CDH18: variants seen among roughly 807,000 people sequenced by gnomAD.
CDH18 encodes the protein cadherin-18.
In CDH18, 31 loss-of-function variants were observed where a neutral mutation model predicts 67.9. That is an observed-to-expected ratio of 0.46 (90% CI 0.34 to 0.62). CDH18 has a LOEUF of 0.62. Ranked by LOEUF, CDH18 falls within the 20% of genes least tolerant of loss-of-function variation. The pLI, the probability that CDH18 is intolerant of heterozygous loss-of-function variation, is 0.01. For missense variants in CDH18, 890 were observed against 975.5 expected (o/e 0.91, Z 1.17); for synonymous variants, 362 against 347.2 (o/e 1.04, Z -0.48).
chr5:20,173,313 C>G (rs1323837939), intron 2 of CDH18, among the ~76,000 whole-genome samples: 1 of 152,046 alleles, frequency 6.6e-6, no homozygotes, highest in Non-Finnish European at 1.5e-5. Context: ...AACTAAAAAG[C>G]AAATCTCGGA....
intron 2 of CDH18, among the ~76,000 whole-genome samples, chr5:20,021,495 TG>T: frequency 6.6e-6 from 1 of 152,266 alleles, no homozygotes; most frequent in African/African-American, 2.4e-5. Context: ...GATTGGATCA[TG>T]GGAATGGATT....
chr5:19,774,004 A>C (rs377295523), intron 3 of CDH18, among the ~76,000 whole-genome samples: 4 of 152,140 alleles, frequency 2.6e-5, no homozygotes, highest in Admixed American at 1.3e-4. Flanking sequence ...ATTCTGAGGG[A>C]CTCTACTATT....
chr5:20,044,075 T>A (rs1056165286), intron 2 of CDH18, among the ~76,000 whole-genome samples: 40 of 152,118 alleles, frequency 2.6e-4, no homozygotes, highest in Admixed American at 1.3e-4. Flanking sequence ...TATTCATTAA[T>A]TAGTATATTA....
chr5:19,875,434 AGATAGATC>A (rs770836416), intron 2 of CDH18, among the ~76,000 whole-genome samples: 2,822 of 146,500 alleles, frequency 0.019, 89 homozygotes, highest in African/African-American at 0.071. Flanking sequence ...ATAGATAGAT[AGATAGATC>A]GATCGATCTA....
At chr5:20,131,082 T>A (rs1410035862) in intron 2 of CDH18, among the ~76,000 whole-genome samples, 1 of 152,134 alleles carries the variant, frequency 6.6e-6, no homozygotes, top group Non-Finnish European at 1.5e-5. Context: ...TTACCTTATA[T>A]AAATTATTTG....
At chr5:19,808,832 C>CAAAAAAAA (rs1173922790) in intron 3 of CDH18, among the ~76,000 whole-genome samples, 1 of 53,936 alleles carries the variant, frequency 1.9e-5, no homozygotes, top group Non-Finnish European at 3.2e-5. Context: ...AACTCTGTCT[C>CAAAAAAAA]AAAAAAAAAA....
At chr5:19,549,637 T>A (rs1261837387) in intron 8 of CDH18, among the ~76,000 whole-genome samples, 6 of 98,190 alleles carry the variant, frequency 6.1e-5, no homozygotes, top group Admixed American at 1.4e-4. Flanking sequence ...GGAAGAAAAA[T>A]GGAGGGAGGG....
Position 19,642,734 on chromosome 5 carries a change from A to ATC in CDH18, c.644-30134_644-30133insGA, listed in dbSNP as rs1754191235. Among the ~76,000 whole-genome samples the ATC allele has an allele frequency of 2.6e-5, 4 of 152,170 alleles. No homozygotes were observed. The East Asian group carries it at 5.8e-4, about 22-fold the overall frequency. On this transcript the variant is annotated intron_variant, in intron 5 of 12. Transcript: ENST00000382275. ...TGTAACAGTACTAGAAAAAAAAGAT[A>ATC]GGGGGAAGGCTTCTTGCTATTTGTC...
intron 11 of CDH18, among the ~76,000 whole-genome samples, chr5:19,498,551 GTAC>G (rs1228363829): frequency 1.3e-5 from 2 of 152,056 alleles, no homozygotes; most frequent in Non-Finnish European, 2.9e-5. Context: ...TTTAGAAATC[GTAC>G]TACATCACTC....
chr5:19,933,469 T>C (rs578063201), intron 2 of CDH18, among the ~76,000 whole-genome samples: 1 of 151,664 alleles, frequency 6.6e-6, no homozygotes, highest in East Asian at 1.9e-4. Flanking sequence ...GTATTCAGTA[T>C]TGACCTAAAT....
intron 1 of CDH18, among the ~76,000 whole-genome samples, chr5:20,531,396 A>G (rs1258142182): frequency 6.6e-6 from 1 of 152,092 alleles, no homozygotes; most frequent in Non-Finnish European, 1.5e-5. Context: ...GGGTATATAC[A>G]CAAAGAAATA....
intron 1 of CDH18, among the ~76,000 whole-genome samples, chr5:20,279,415 G>T (rs1746049698): frequency 1.3e-5 from 2 of 151,820 alleles, no homozygotes; most frequent in Non-Finnish European, 2.9e-5. Flanking sequence ...AATACTATAA[G>T]AGGCTGGGCA....
chr5:20,131,234 A>G (rs922225874), intron 2 of CDH18, among the ~76,000 whole-genome samples: 1 of 152,082 alleles, frequency 6.6e-6, no homozygotes, highest in Non-Finnish European at 1.5e-5. Context: ...ACAAAAAAAC[A>G]GTAAATATTG....
At chr5:20,011,244 T>G (rs527810758) in intron 2 of CDH18, among the ~76,000 whole-genome samples, 1 of 152,204 alleles carries the variant, frequency 6.6e-6, no homozygotes, top group Non-Finnish European at 1.5e-5. Context: ...CATTTGTGAT[T>G]TGTCTCGTTT....
At chr5:20,265,397 C>CT (rs1328717387) in intron 1 of CDH18, among the ~76,000 whole-genome samples, 1 of 151,910 alleles carries the variant, frequency 6.6e-6, no homozygotes, top group African/African-American at 2.4e-5. Flanking sequence ...AGCAAAACTC[C>CT]TTTGGAATAA....
Position 19,619,999 on chromosome 5 carries a change from GA to G in CDH18, c.644-7399del, listed in dbSNP as rs1339476999. Among the ~76,000 whole-genome samples the G allele has an allele frequency of 2.1e-4, 32 of 151,852 alleles. 1 individual carries two copies. The highest frequency in any genetic ancestry group is 4.6e-4 in the Admixed American group (7 of 15,264). On this transcript the variant is annotated intron_variant, in intron 5 of 12. Coordinates refer to ENST00000382275, the MANE Select transcript of CDH18 (RefSeq NM_004934.5). Reference sequence around the variant, plus strand: ...CCTCAGATTTTATTTTACTTATAAAGAAAAATATATAAGAAATTATATGAGA... The same window carrying G: ...CCTCAGATTTTATTTTACTTATAAAGAAAATATATAAGAAATTATATGAGA...
chr5:19,809,610 AG>A (rs1187879155), intron 3 of CDH18, among the ~76,000 whole-genome samples: 1 of 152,220 alleles, frequency 6.6e-6, no homozygotes, highest in African/African-American at 2.4e-5. Flanking sequence ...TGGTAAAAAA[AG>A]TTTCATATGA....
At chr5:20,118,008 G>C (rs531280564) in intron 2 of CDH18, among the ~76,000 whole-genome samples, 111 of 152,284 alleles carry the variant, frequency 7.3e-4, no homozygotes, top group Admixed American at 2.4e-3. Flanking sequence ...TATGTTAATA[G>C]CATTGCTGCT....
intron 2 of CDH18, among the ~76,000 whole-genome samples, chr5:19,856,102 A>ATCTT (rs1784250187): frequency 6.6e-6 from 1 of 152,222 alleles, no homozygotes; most frequent in Non-Finnish European, 1.5e-5. Flanking sequence ...CAAAAGAAAG[A>ATCTT]GCAATAAAAA....
Sources: allele counts gnomAD v4.1 joint callset (sites outside exome capture counted in the v4.1 genomes callset), GRCh38; gene constraint gnomAD v4.1.1; transcripts MANE v1.5; gene names NCBI Gene and HGNC (gene_info 2026-07-23, HGNC 2026-07-21).